EPB41: variants seen among roughly 807,000 people sequenced by gnomAD.
EPB41 encodes the protein protein 4.1.
A neutral mutation model predicts 108.0 loss-of-function variants in EPB41; 65 were observed. That is an observed-to-expected ratio of 0.60 (90% CI 0.49 to 0.74). The LOEUF (loss-of-function observed/expected upper bound fraction) is 0.74, where lower values mean the gene tolerates loss of function less well. Among genes scored for constraint, EPB41 ranks in the 30% least tolerant of loss-of-function variants. The pLI is 0.00. For missense variants in EPB41, 875 were observed against 1,037.0 expected (o/e 0.84, Z 2.15); for synonymous variants, 336 against 358.9 (o/e 0.94, Z 0.72).
At chr1:29,015,661 A>G in intron 5 of EPB41, 31 bp from the exon 6 acceptor site, 1 of 1,338,890 alleles carries the variant, frequency 7.5e-7, no homozygotes, top group Non-Finnish European at 1.1e-6. Flanking sequence ...TTAGGTATAA[A>G]CGTAAAATTC....
chr1:28,987,010 G>C (rs1050344106), intron 1 of EPB41, among the ~76,000 whole-genome samples: 1 of 152,148 alleles, frequency 6.6e-6, no homozygotes, highest in African/African-American at 2.4e-5. Flanking sequence ...TCGTCTCTTG[G>C]TGTGTGGAGA....
intron 1 of EPB41, among the ~76,000 whole-genome samples, chr1:28,959,212 C>CTTTTTTTT (rs34502231): frequency 4.1e-5 from 4 of 97,940 alleles, no homozygotes; most frequent in African/African-American, 1.7e-4. Context: ...AAAGTTTGAT[C>CTTTTTTTT]TTTTTTTTTT....
chr1:29,062,314 C>A (rs1646703142), intron 15 of EPB41, among the ~76,000 whole-genome samples: 1 of 152,312 alleles, frequency 6.6e-6, no homozygotes, highest in South Asian at 2.1e-4. Context: ...CTGGAACCTG[C>A]AGTACCAATC....
intron 1 of EPB41, chr1:28,890,919 C>A: frequency 1.0e-6 from 1 of 985,462 alleles, no homozygotes; most frequent in Non-Finnish European, 1.2e-6. Flanking sequence ...AACTGTTTGA[C>A]CCCTGCTGGA....
rs747447381 is a variant in EPB41 at position 29,089,235 on chromosome 1, A to G, written c.2185-8572A>G. Among the ~76,000 whole-genome samples the G allele has an allele frequency of 1.8e-4, 28 of 152,334 alleles. No homozygotes were observed. The East Asian group carries it at 3.3e-3, about 18-fold the overall frequency. On this transcript the variant is annotated intron_variant, in intron 16 of 20. Transcript: ENST00000343067. Reference sequence around the variant, plus strand: ...TTATTTTACTGATGGAGGAGATAAAATGCTGGACTAGACTATGAGTCTGGT... The same window carrying G: ...TTATTTTACTGATGGAGGAGATAAAGTGCTGGACTAGACTATGAGTCTGGT...
At chr1:28,992,558 G>A (rs570238209) in intron 2 of EPB41, among the ~76,000 whole-genome samples, 4 of 152,216 alleles carry the variant, frequency 2.6e-5, no homozygotes, top group South Asian at 2.1e-4. Context: ...GCGTGGTGGC[G>A]GGCGCCTGTA....
rs1157946111 is a variant in EPB41 at position 28,914,617 on chromosome 1, C to T, written c.-159C>T. ...GCCAGGGTCGCTCGCTCGCTCCCTC[C>T]CTCCGCTGGTGCGTTTAGTCAGTCA... is the stretch of plus-strand genomic sequence containing the variant. On this transcript the variant is annotated 5_prime_UTR_variant, in exon 1 of 21. Coordinates refer to ENST00000343067, the MANE Select transcript of EPB41 (RefSeq NM_001376013.1). 1 of 151,864 alleles carries T rather than the reference C, an allele frequency of 6.6e-6. No individual in the cohort carries two copies. The highest frequency in any genetic ancestry group is 1.5e-5 in the Non-Finnish European group (1 of 67,898). 9.4% of individuals were successfully genotyped at this position (151,864 alleles called of 1,614,324 possible).
chr1:29,027,433 G>C (rs1410503494), intron 7 of EPB41, among the ~76,000 whole-genome samples: 1 of 151,420 alleles, frequency 6.6e-6, no homozygotes, highest in Non-Finnish European at 1.5e-5. Flanking sequence ...CCAGGTTCAA[G>C]CGATTCTCCT....
At chr1:28,995,445 C>T (rs2096146251) in intron 3 of EPB41, among the ~76,000 whole-genome samples, 1 of 152,088 alleles carries the variant, frequency 6.6e-6, no homozygotes, top group African/African-American at 2.4e-5. Flanking sequence ...ACCTGTAGTC[C>T]CAGCTGCTTG....
At chr1:28,982,674 CT>C in intron 1 of EPB41, 1 of 740,848 alleles carries the variant, frequency 1.3e-6, no homozygotes, top group Non-Finnish European at 2.4e-6. Context: ...GATCTTAAGA[CT>C]TAGGTTGTTT....
intron 1 of EPB41, among the ~76,000 whole-genome samples, chr1:28,906,224 T>G (rs2091817408): frequency 6.6e-6 from 1 of 152,196 alleles, no homozygotes; most frequent in South Asian, 2.1e-4. Context: ...TGTCCTATAG[T>G]AGCAGCTTTG....
chr1:28,905,675 A>C (rs2147952377), intron 1 of EPB41, among the ~76,000 whole-genome samples: 1 of 152,156 alleles, frequency 6.6e-6, no homozygotes, highest in South Asian at 2.1e-4. Flanking sequence ...TAAGCCACCG[A>C]ATCTATGGCA....
chr1:29,016,345 T>A (rs1278381788), intron 6 of EPB41, among the ~76,000 whole-genome samples: 1 of 148,902 alleles, frequency 6.7e-6, no homozygotes, highest in East Asian at 2.0e-4. Context: ...CCTGCTAATT[T>A]TTTTTTTTTT....
chr1:29,019,774 A>AGAGAGAGAGAGAGAGAG (rs2096621162), intron 7 of EPB41, among the ~76,000 whole-genome samples: 1 of 152,294 alleles, frequency 6.6e-6, no homozygotes, highest in African/African-American at 2.4e-5. Flanking sequence ...AGAGAGCTGT[A>AGAGAGAGAGAGAGAGAG]ACTTAAGATG....
intron 17 of EPB41, among the ~76,000 whole-genome samples, chr1:29,104,242 T>C (rs1666394022): frequency 6.6e-6 from 1 of 152,244 alleles, no homozygotes; most frequent in Admixed American, 6.5e-5. Flanking sequence ...TTGCAATTGT[T>C]ATTATTTATT....
intron 16 of EPB41, chr1:29,069,278 A>G (rs1351313369): frequency 8.1e-7 from 1 of 1,231,668 alleles, no homozygotes; most frequent in Non-Finnish European, 1.0e-6. Context: ...CTTAGAGCCA[A>G]GTTTTTCCTT....
At chr1:29,071,786 C>G (rs1175935966) in intron 16 of EPB41, 3 of 152,154 alleles carry the variant, frequency 2.0e-5, no homozygotes, top group Admixed American at 6.5e-5. Flanking sequence ...TTTTATGGCA[C>G]TTGAATGTAC....
At chr1:28,988,840 C>T (rs1343282695) in intron 2 of EPB41, among the ~76,000 whole-genome samples, 1 of 152,118 alleles carries the variant, frequency 6.6e-6, no homozygotes, top group Non-Finnish European at 1.5e-5. Context: ...GTGTGTACCA[C>T]CATGCCTGTC....
At chr1:29,086,983 C>T (rs1364573135) in intron 16 of EPB41, among the ~76,000 whole-genome samples, 3 of 113,332 alleles carry the variant, frequency 2.6e-5, no homozygotes, top group African/African-American at 6.8e-5. Flanking sequence ...CTTGCTCTGT[C>T]GCCCAGGCTG....
Sources: allele counts gnomAD v4.1 joint callset (sites outside exome capture counted in the v4.1 genomes callset), GRCh38; gene constraint gnomAD v4.1.1; transcripts MANE v1.5; gene names NCBI Gene and HGNC (gene_info 2026-07-23, HGNC 2026-07-21).